Variants in HIP1R observed in about 807,000 individuals in gnomAD.
The protein encoded by HIP1R is huntingtin-interacting protein 1-related protein.
A neutral mutation model predicts 144.2 loss-of-function variants in HIP1R; 135 were observed. The observed-to-expected ratio is 0.94, with a 90% CI of 0.81 to 1.08. The LOEUF (loss-of-function observed/expected upper bound fraction) is 1.08. HIP1R is among the 50% of genes least tolerant of loss of function. The pLI is 0.00. For synonymous variants in HIP1R, 698 were observed against 612.8 expected (o/e 1.14, Z -2.05); for missense variants, 1,462 against 1,432.8 (o/e 1.02, Z -0.33).
In HIP1R at chr12:122,861,098, C is replaced by T. The variant is rs79948786; in HGVS notation, c.2891-33C>T. 6,362 of 1,613,368 alleles carry T rather than the reference C, an allele frequency of 3.9e-3. 187 individuals carry two copies. In the African/African-American group the frequency reaches 0.069, roughly 17 times the overall value. On this transcript the variant is annotated intron_variant, in intron 29 of 31. Transcript: ENST00000253083. ...CCCGAGGCTGAATGGGGGTGGGTGCCCAGATGTTCACCCCCTTGTCCTCCG... is the reference window on the plus strand; with the variant it reads ...CCCGAGGCTGAATGGGGGTGGGTGCTCAGATGTTCACCCCCTTGTCCTCCG...
Position 122,858,820 on chromosome 12 carries a change from C to A in HIP1R, c.2051-18C>A. 1 of 1,551,862 alleles carries A rather than the reference C, an allele frequency of 6.4e-7. No individual in the cohort carries two copies. Among genetic ancestry groups the A allele is most frequent in the Non-Finnish European group, 8.9e-7 (1 of 1,125,014 alleles). On this transcript the variant is annotated intron_variant, in intron 20 of 31. Transcript: ENST00000253083. ...CAGTGTCATCCTCCCCCAACCTTGG[C>A]CCCACCCACCCGCACAGACGCCTCC...
chr12:122,847,851 C>T (rs1015426462), intron 1 of HIP1R, among the ~76,000 whole-genome samples, 180 bp from the exon 2 acceptor site: 8 of 152,250 alleles, frequency 5.3e-5, no homozygotes, highest in Middle Eastern at 3.4e-3. Flanking sequence ...CCAGCTGCAC[C>T]GATCAGGCAC....
At chr12:122,834,869 T>C, upstream of HIP1R, 1 of 915,056 alleles carries the variant, frequency 1.1e-6, no homozygotes, top group Admixed American at 2.3e-5. Flanking sequence ...GAGGGGAGAG[T>C]GTCATTGTGT....
rs375400797 is a variant in HIP1R at position 122,843,877 on chromosome 12, A to C, written c.94-4154A>C. The stretch of plus-strand genomic sequence containing the variant: ...TATTGTTTTGTTTTGTTTGAGATGG[A>C]GTTTAGCTCTGTTGCCCAGGCTGGA... On this transcript the variant is annotated intron_variant, in intron 1 of 31. Coordinates refer to ENST00000253083, the MANE Select transcript of HIP1R (RefSeq NM_003959.3). 2.0e-4 allele frequency among the ~76,000 whole-genome samples: 30 copies of C among 152,216 alleles called. 1 individual carries two copies. In the South Asian group the frequency reaches 4.4e-3, roughly 22 times the overall value.
chr12:122,861,878 T>C lies in HIP1R; in HGVS notation c.*125T>C, dbSNP rs965597253. ...CCTCCCGCCCCACCGTCTGGATCAATGTCCTCAAGGCCCCTGGCCCTTACT... is the reference window on the plus strand; with the variant it reads ...CCTCCCGCCCCACCGTCTGGATCAACGTCCTCAAGGCCCCTGGCCCTTACT... On this transcript the variant is annotated 3_prime_UTR_variant, in exon 32 of 32. Coordinates refer to ENST00000253083, the MANE Select transcript of HIP1R (RefSeq NM_003959.3). 2.5e-5 allele frequency: 21 copies of C among 844,554 alleles called. No homozygotes were observed. The highest frequency in any genetic ancestry group is 3.9e-5 in the Non-Finnish European group (21 of 533,088). The allele number at this position is 844,554 out of a possible 1,614,324, so 52.3% of individuals were successfully genotyped here.
chr12:122,861,571 A>G, intron 31 of HIP1R, 57 bp downstream of exon 31: 2 of 1,574,354 alleles, frequency 1.3e-6, no homozygotes, highest in South Asian at 1.1e-5. Context: ...CCCCAGCCCT[A>G]GAGGGGCACA....
chr12:122,849,074 C>T (rs2033297676), intron 4 of HIP1R, among the ~76,000 whole-genome samples: 1 of 152,258 alleles, frequency 6.6e-6, no homozygotes, highest in South Asian at 2.1e-4. Context: ...TCGAAGTCAC[C>T]CGGGCCCTTT....
At chr12:122,861,628 G>C (rs778459933) in intron 31 of HIP1R, 78 bp from the exon 32 acceptor site, 1 of 1,589,006 alleles carries the variant, frequency 6.3e-7, no homozygotes, top group African/African-American at 1.3e-5. Flanking sequence ...AACATGCAGG[G>C]AGGAGCTTGC....
chr12:122,835,766 C>G, intron 1 of HIP1R, 123 bp downstream of exon 1: 4 of 313,950 alleles, frequency 1.3e-5, no homozygotes, highest in Non-Finnish European at 1.3e-5. Flanking sequence ...GGGGACGGCG[C>G]GGGGGCAGGG....
At chr12:122,859,976 GCCAGGC>G (rs1409823805) in intron 24 of HIP1R, 65 bp from the exon 25 acceptor site, 11 of 1,500,684 alleles carry the variant, frequency 7.3e-6, no homozygotes, top group Non-Finnish European at 9.0e-6. Context: ...CCCTGATGTG[GCCAGGC>G]CCGCCATGGC....
In HIP1R at chr12:122,855,923, G is replaced by T. The variant is rs554891938; in HGVS notation, c.1128+20G>T. The T allele has an allele frequency of 3.2e-6, 5 of 1,563,728 alleles. No individual in the cohort carries two copies. The highest frequency in any genetic ancestry group is 4.3e-6 in the Non-Finnish European group (5 of 1,153,892). Reference sequence around the variant, plus strand: ...CTGGAGGTGCGGGGTGGGGATGGGTGGGGGCCAGGGCCCCTCACGGCCCAG... The same window carrying T: ...CTGGAGGTGCGGGGTGGGGATGGGTTGGGGCCAGGGCCCCTCACGGCCCAG... On this transcript the variant is annotated intron_variant, in intron 13 of 31. Coordinates refer to ENST00000253083, the MANE Select transcript of HIP1R (RefSeq NM_003959.3).
At chr12:122,858,516 G>C in intron 20 of HIP1R, 81 bp downstream of exon 20, 1 of 1,190,118 alleles carries the variant, frequency 8.4e-7, no homozygotes, top group South Asian at 1.5e-5. Flanking sequence ...CTTTTGGGAG[G>C]TTTACAGACA....
intron 31 of HIP1R, 93 bp downstream of exon 31, chr12:122,861,607 G>T: frequency 6.3e-7 from 1 of 1,577,042 alleles, no homozygotes; most frequent in East Asian, 2.3e-5. Context: ...GGGAAGTCAG[G>T]GACCACTGAC....
Position 122,854,982 on chromosome 12 carries a change from C to A in HIP1R, c.776+20C>A. On this transcript the variant is annotated intron_variant, in intron 9 of 31. Coordinates refer to ENST00000253083, the MANE Select transcript of HIP1R (RefSeq NM_003959.3). ...TCACAGGTACTGCCTGGGACAGGGA[C>A]AGGATTGAGGCCGGTGGGGGAGAGG... 1 of 1,613,328 alleles carries A rather than the reference C, an allele frequency of 6.2e-7. No individual in the cohort carries two copies.
upstream of HIP1R, chr12:122,835,295 GT>G: frequency 1.9e-6 from 1 of 525,152 alleles, no homozygotes; most frequent in Non-Finnish European, 2.5e-6. Flanking sequence ...GGGGGGTGGG[GT>G]TGGAGGTGTG....
At chr12:122,846,658 G>C (rs1426722684) in intron 1 of HIP1R, among the ~76,000 whole-genome samples, 1 of 152,184 alleles carries the variant, frequency 6.6e-6, no homozygotes, top group Non-Finnish European at 1.5e-5. Context: ...CCCGACTACA[G>C]GGAGCAGGGC....
Position 122,848,577 on chromosome 12 carries a change from T to G in HIP1R, c.269T>G (p.Leu90Arg). The change falls in exon 3 of 32, where the codon CTC (leucine) becomes CGC (arginine). Residue 90 changes from leucine to arginine, a missense_variant. Around this residue, in one of 2 missense-constraint regions of HIP1R, gnomAD observed 350 missense variants for 421.1 expected, o/e 0.83. Coordinates refer to ENST00000253083, the MANE Select transcript of HIP1R (RefSeq NM_003959.3). ...CTCAGCTGGAAGTTCTGCCACGTCC[T>G]CCACAAGGTCCTTCGAGACGGGCAC... is the stretch of plus-strand genomic sequence containing the variant. ...SILSWKFCHV[L>R]HKVLRDGHPN... 1 of 1,612,956 alleles carries G rather than the reference T, an allele frequency of 6.2e-7. No individual in the cohort carries two copies. The highest frequency in any genetic ancestry group is 8.5e-7 in the Non-Finnish European group (1 of 1,179,848).
chr12:122,851,314 G>A lies in HIP1R; in HGVS notation c.577+17G>A. 6 of 1,531,042 alleles carry A rather than the reference G, an allele frequency of 3.9e-6. No individual in the cohort carries two copies. The highest frequency in any genetic ancestry group is 5.2e-6 in the Non-Finnish European group (6 of 1,147,788). 94.8% of individuals were successfully genotyped at this position (1,531,042 alleles called of 1,614,324 possible). ...CTGAATCAGGTGAGCCGTAAAGAGG[G>A]GATGCGGGGGTCTGAGTGTATTGCT... On this transcript the variant is annotated intron_variant, in intron 7 of 31. Coordinates refer to ENST00000253083, the MANE Select transcript of HIP1R (RefSeq NM_003959.3).
At chr12:122,850,310 A>G in intron 5 of HIP1R, 1 of 450,882 alleles carries the variant, frequency 2.2e-6, no homozygotes. Context: ...TGCCAAGAGC[A>G]GGGTCCAGCG....
Sources: allele counts gnomAD v4.1 joint callset (sites outside exome capture counted in the v4.1 genomes callset), GRCh38; gene constraint gnomAD v4.1.1; regional missense constraint gnomAD v4.1.1; transcripts MANE v1.5; gene names NCBI Gene and HGNC (gene_info 2026-07-23, HGNC 2026-07-21).